Variants in FOXN3 observed in about 807,000 individuals in gnomAD.
The protein encoded by FOXN3 is forkhead box N3, also known as forkhead box protein N3.
FOXN3 carries 7 observed loss-of-function variants against 38.4 expected under a neutral mutation model. The observed-to-expected ratio is 0.18, with a 90% CI of 0.10 to 0.34. The LOEUF is 0.34. FOXN3 is among the 10% of genes least tolerant of loss of function. The probability of loss-of-function intolerance (pLI) is 1.00; values close to 1 mark genes in which losing one functional copy is unlikely to be tolerated. For missense variants in FOXN3, 456 were observed against 613.4 expected, an observed-to-expected ratio of 0.74 and a Z score of 2.71; for synonymous variants, 230 against 242.2, an observed-to-expected ratio of 0.95 and a Z score of 0.47.
chr14:89,317,867 TAG>T (rs2139968489), intron 3 of FOXN3, among the ~76,000 whole-genome samples: 1 of 150,428 alleles, frequency 6.6e-6, no homozygotes, highest in Non-Finnish European at 1.5e-5. Flanking sequence ...TAGATTCTCA[TAG>T]GAGTGCAAAC....
At chr14:89,441,262 C>G (rs1403445160) in intron 1 of FOXN3, among the ~76,000 whole-genome samples, 3 of 152,140 alleles carry the variant, frequency 2.0e-5, no homozygotes, top group Non-Finnish European at 4.4e-5. Context: ...CTGAAGAACT[C>G]CCCAACGACT....
At chr14:89,324,530 G>A (rs1887992058) in intron 3 of FOXN3, among the ~76,000 whole-genome samples, 1 of 151,688 alleles carries the variant, frequency 6.6e-6, no homozygotes, top group Admixed American at 6.6e-5. Flanking sequence ...GCGGCAGTAG[G>A]ATACATGAGA....
chr14:89,215,892 A>T (rs369313368), intron 4 of FOXN3, among the ~76,000 whole-genome samples: 1 of 152,196 alleles, frequency 6.6e-6, no homozygotes, highest in Non-Finnish European at 1.5e-5. Flanking sequence ...GGCTCCTTGT[A>T]TCTAAAACTC....
intron 1 of FOXN3, among the ~76,000 whole-genome samples, chr14:89,437,176 A>AAAAAC (rs1409908704): frequency 2.2e-5 from 3 of 139,324 alleles, no homozygotes; most frequent in Non-Finnish European, 4.8e-5. Flanking sequence ...CTCTGTCTCA[A>AAAAAC]AAAACAAAAC....
intron 2 of FOXN3, among the ~76,000 whole-genome samples, chr14:89,391,360 A>G (rs1237274387): frequency 1.3e-5 from 2 of 152,238 alleles, no homozygotes; most frequent in Non-Finnish European, 2.9e-5. Context: ...CATCGTGAAC[A>G]AAGCAGCCAG....
At chr14:89,467,815 T>TG (rs1893008689) in intron 1 of FOXN3, among the ~76,000 whole-genome samples, 1 of 129,118 alleles carries the variant, frequency 7.7e-6, no homozygotes, top group South Asian at 2.6e-4. Flanking sequence ...TTTTTTTTTT[T>TG]TTTTTTTTTT....
chr14:89,323,417 G>A (rs1357083113), intron 3 of FOXN3, among the ~76,000 whole-genome samples: 1 of 151,788 alleles, frequency 6.6e-6, no homozygotes, highest in Admixed American at 6.6e-5. Flanking sequence ...AGAAGGAGAG[G>A]TCCCAAAGAA....
Position 89,548,376 on chromosome 14 carries a change from C to T in FOXN3, c.-15+70652G>A, listed in dbSNP as rs1894926599. ...ACATATACGGTTATAAAGATGTGCA[C>T]ATATCACAGCATTACTTATTTATTT... On this transcript the variant is annotated intron_variant, in intron 1 of 6. Coordinates refer to the FOXN3 transcript ENST00000345097. This position sits in a 1 kb window ranked among gnomAD's most constrained non-coding sequence, Gnocchi z 4.8. Among the ~76,000 whole-genome samples the T allele has an allele frequency of 6.6e-6, 1 of 152,172 alleles. No homozygotes were observed. Among genetic ancestry groups the T allele is most frequent in the African/African-American group, 2.4e-5 (1 of 41,432 alleles).
At position 89,527,097 on chromosome 14, in the gene FOXN3, A is replaced by AAG. The variant is rs1328400914; in HGVS notation, c.-15+91930_-15+91931insCT. Among the ~76,000 whole-genome samples the AAG allele has an allele frequency of 6.6e-5, 10 of 151,258 alleles. No individual in the cohort carries two copies. In the East Asian group the frequency reaches 1.6e-3, roughly 24 times the overall value. On this transcript the variant is annotated intron_variant, in intron 1 of 6. Coordinates refer to the FOXN3 transcript ENST00000345097. ...AAGGGAGGAGAGGAGGAGGAAGGGG[A>AAG]GGAAAGGAGAAACAGGATGAGGGGG...
At chr14:89,605,734 C>T (rs749761318) in intron 1 of FOXN3, among the ~76,000 whole-genome samples, 14 of 151,758 alleles carry the variant, frequency 9.2e-5, no homozygotes, top group Non-Finnish European at 1.9e-4. Context: ...ATGAAAACTT[C>T]AAAAGTAATT....
intron 2 of FOXN3, among the ~76,000 whole-genome samples, chr14:89,360,787 C>CCAG (rs1889506019): frequency 1.6e-5 from 1 of 64,000 alleles, no homozygotes; most frequent in Non-Finnish European, 3.5e-5. Flanking sequence ...ACCACCACCT[C>CCAG]CACCACCACC....
At chr14:89,331,285 T>C (rs975145446) in intron 3 of FOXN3, among the ~76,000 whole-genome samples, 2 of 152,224 alleles carry the variant, frequency 1.3e-5, no homozygotes, top group Admixed American at 6.5e-5. Flanking sequence ...GAAAACTTCA[T>C]ATAAGTGGAA....
At chr14:89,490,688 A>C (rs150762078) in intron 1 of FOXN3, among the ~76,000 whole-genome samples, 154 of 152,312 alleles carry the variant, frequency 1.0e-3, no homozygotes, top group African/African-American at 3.4e-3. Flanking sequence ...AAACAGCAGG[A>C]AGTTTGGAAG....
chr14:89,345,748 G>A (rs1888742208), intron 3 of FOXN3, among the ~76,000 whole-genome samples: 1 of 152,160 alleles, frequency 6.6e-6, no homozygotes, highest in African/African-American at 2.4e-5. Flanking sequence ...CCATTCCTGA[G>A]TTACTTCACT....
intron 1 of FOXN3, among the ~76,000 whole-genome samples, chr14:89,498,730 T>G (rs1044027770): frequency 4.7e-5 from 7 of 149,314 alleles, no homozygotes; most frequent in Middle Eastern, 6.8e-3. Flanking sequence ...GGTCTGGGGG[T>G]GTTCATGCAG....
At chr14:89,267,513 T>C (rs1426504984) in intron 4 of FOXN3, among the ~76,000 whole-genome samples, 1 of 152,190 alleles carries the variant, frequency 6.6e-6, no homozygotes, top group Admixed American at 6.5e-5. Context: ...CAGATCACTA[T>C]TAGTCTAGCA....
At chr14:89,397,704 G>A (rs1891136529) in intron 2 of FOXN3, among the ~76,000 whole-genome samples, 1 of 152,174 alleles carries the variant, frequency 6.6e-6, no homozygotes, top group Non-Finnish European at 1.5e-5. Context: ...GAGTGAAGGA[G>A]GAGCAAGGAA....
chr14:89,559,654 G>GGC (rs1397673619), intron 1 of FOXN3, among the ~76,000 whole-genome samples: 1 of 151,896 alleles, frequency 6.6e-6, no homozygotes, highest in African/African-American at 2.4e-5. Flanking sequence ...CCAGCCTGGT[G>GGC]ACAAAGCAAG....
At chr14:89,413,002 A>C (rs1434030458) in intron 1 of FOXN3, among the ~76,000 whole-genome samples, 1 of 152,226 alleles carries the variant, frequency 6.6e-6, no homozygotes, top group Non-Finnish European at 1.5e-5. Context: ...TCAAGACAGC[A>C]AATTCAATTC....
Sources: allele counts gnomAD v4.1 joint callset (sites outside exome capture counted in the v4.1 genomes callset), GRCh38; gene constraint gnomAD v4.1.1; non-coding constraint Gnocchi (gnomAD v3.1); transcripts MANE v1.5; gene names NCBI Gene and HGNC (gene_info 2026-07-23, HGNC 2026-07-21).